ARHGEF11: variants seen among roughly 807,000 people sequenced by gnomAD.
ARHGEF11 encodes the protein Rho guanine nucleotide exchange factor 11.
A neutral mutation model predicts 193.7 loss-of-function variants in ARHGEF11; 55 were observed. The observed-to-expected ratio is 0.28, with a 90% CI of 0.23 to 0.36. The LOEUF (loss-of-function observed/expected upper bound fraction) is 0.36. Among genes scored for constraint, ARHGEF11 ranks in the 10% least tolerant of loss-of-function variants. ARHGEF11 has a pLI of 1.00. For synonymous variants in ARHGEF11, 693 were observed against 768.0 expected, an observed-to-expected ratio of 0.90 and a Z score of 1.62; for missense variants, 1,723 against 2,005.6, an observed-to-expected ratio of 0.86 and a Z score of 2.69.
intron 1 of ARHGEF11, among the ~76,000 whole-genome samples, chr1:157,002,202 C>T (rs547742131): frequency 6.6e-6 from 1 of 152,208 alleles, no homozygotes; most frequent in South Asian, 2.1e-4. Context: ...TGGACCACCT[C>T]GAACAGGGCA....
At chr1:156,954,790 A>G in intron 21 of ARHGEF11, 102 bp downstream of exon 21, 1 of 973,602 alleles carries the variant, frequency 1.0e-6, no homozygotes, top group Non-Finnish European at 1.6e-6. Flanking sequence ...GGGAGGAGGA[A>G]CAGGATGGGA....
chr1:156,960,504 C>T (rs767705773), intron 14 of ARHGEF11, 44 bp from the exon 15 acceptor site: 12 of 1,600,706 alleles, frequency 7.5e-6, no homozygotes, highest in Non-Finnish European at 1.0e-5. Context: ...GGTCTGCACA[C>T]TCCAGGGAGA....
chr1:156,967,392 G>A (rs956079842), intron 11 of ARHGEF11, among the ~76,000 whole-genome samples: 3 of 152,194 alleles, frequency 2.0e-5, no homozygotes, highest in African/African-American at 4.8e-5. Flanking sequence ...AGACAGCCCA[G>A]CTTCTTTGCA....
intron 8 of ARHGEF11, 49 bp from the exon 9 acceptor site, chr1:156,970,092 C>T (rs778465255): frequency 6.4e-6 from 10 of 1,559,342 alleles, no homozygotes; most frequent in Admixed American, 5.2e-5. Context: ...AGCCTCTCCC[C>T]CTACGGTTTT....
At chr1:156,961,645 T>C (rs1489446500) in intron 14 of ARHGEF11, 32 bp downstream of exon 14, 3 of 1,594,016 alleles carry the variant, frequency 1.9e-6, no homozygotes, top group East Asian at 2.2e-5. Flanking sequence ...AAGAATATGA[T>C]AAAATTATAA....
intron 1 of ARHGEF11, among the ~76,000 whole-genome samples, chr1:157,000,468 C>A (rs1395267986): frequency 6.6e-6 from 1 of 152,138 alleles, no homozygotes; most frequent in Non-Finnish European, 1.5e-5. Flanking sequence ...AAAGGACCAA[C>A]CATGAAACAG....
chr1:157,032,651 T>C (rs1336146), intron 1 of ARHGEF11, among the ~76,000 whole-genome samples: 72,474 of 151,956 alleles, frequency 0.48, 17,688 homozygotes, highest in Middle Eastern at 0.67. Flanking sequence ...TCCTTTCTGA[T>C]GAAACTTCAT....
intron 1 of ARHGEF11, among the ~76,000 whole-genome samples, chr1:157,003,887 T>G (rs1667497702): frequency 6.6e-6 from 1 of 152,200 alleles, no homozygotes; most frequent in African/African-American, 2.4e-5. Flanking sequence ...GATTAAATGG[T>G]AGAATTCATT....
intron 11 of ARHGEF11, among the ~76,000 whole-genome samples, chr1:156,966,403 T>C (rs773799948): frequency 3.3e-5 from 5 of 152,354 alleles, no homozygotes; most frequent in Admixed American, 6.5e-5. Flanking sequence ...TTTTATTACA[T>C]GTGATGAATT....
Position 157,007,466 on chromosome 1 carries a change from C to A in ARHGEF11, c.33-21293G>T, listed in dbSNP as rs1667966299. Reference sequence around the variant, plus strand: ...CTGGCAGCAGGGGTGTTCAATGGAACTTCTTATTACAGTCCTTAGGCTGAG... The same window carrying A: ...CTGGCAGCAGGGGTGTTCAATGGAAATTCTTATTACAGTCCTTAGGCTGAG... On this transcript the variant is annotated intron_variant, in intron 1 of 40. Coordinates refer to ENST00000368194, the MANE Select transcript of ARHGEF11 (RefSeq NM_198236.3). Among the ~76,000 whole-genome samples the A allele has an allele frequency of 1.3e-5, 2 of 152,018 alleles. 1 individual carries two copies. The highest frequency in any genetic ancestry group is 4.2e-4 in the South Asian group (2 of 4,818).
chr1:157,038,029 C>CAAAAAAAAAAA (rs145416871), intron 1 of ARHGEF11, among the ~76,000 whole-genome samples: 2 of 45,518 alleles, frequency 4.4e-5, no homozygotes, highest in African/African-American at 1.8e-4. Flanking sequence ...AAGACTGTCT[C>CAAAAAAAAAAA]AAAAAAAAAA....
At chr1:156,963,331 G>A (rs1406179219) in intron 12 of ARHGEF11, 27 bp from the exon 13 acceptor site, 6 of 1,597,160 alleles carry the variant, frequency 3.8e-6, no homozygotes, top group Non-Finnish European at 5.1e-6. Flanking sequence ...TGAGCATGGT[G>A]GGAAGCCGGG....
chr1:156,973,070 T>C (rs1472655901), intron 7 of ARHGEF11, among the ~76,000 whole-genome samples: 1 of 152,172 alleles, frequency 6.6e-6, no homozygotes, highest in Non-Finnish European at 1.5e-5. Context: ...TAAAGGGATA[T>C]GAGCCTGTGG....
intron 1 of ARHGEF11, among the ~76,000 whole-genome samples, chr1:156,993,761 C>G (rs1159460077): frequency 6.6e-6 from 1 of 152,194 alleles, no homozygotes; most frequent in Non-Finnish European, 1.5e-5. Flanking sequence ...ACACACCGTC[C>G]TAGACCTGCA....
At chr1:156,941,687 C>T (rs887234225) in intron 34 of ARHGEF11, among the ~76,000 whole-genome samples, 177 bp downstream of exon 34, 3 of 152,196 alleles carry the variant, frequency 2.0e-5, no homozygotes, top group Non-Finnish European at 2.9e-5. Flanking sequence ...CAGACAGGGA[C>T]AAGAAGCAGG....
Position 156,979,267 on chromosome 1 carries a change from G to T in ARHGEF11, c.293C>A (p.Thr98Asn). The T allele has an allele frequency of 6.2e-7, 1 of 1,613,620 alleles. No homozygotes were observed. The highest frequency in any genetic ancestry group is 8.5e-7 in the Non-Finnish European group (1 of 1,179,870). ...TACCACTTCCAGGTGTGAGCTATTG[G>T]TCACCATGGTGCCGTTGACCTGTTG... Reference protein sequence around the residue: ...RIIKVNGTMVTNSSHLEVVKL... With the variant: ...RIIKVNGTMVNNSSHLEVVKL... Residue 98 changes from threonine (T) to asparagine (N), a missense_variant, in exon 5 of 41, where the codon ACC becomes AAC. This residue lies in a region of ARHGEF11 where 646 missense variants were observed against 710.7 expected (regional missense o/e 0.91). Transcript: ENST00000368194.
upstream of ARHGEF11, among the ~76,000 whole-genome samples, chr1:157,046,841 C>A (rs1335441549): frequency 2.0e-5 from 3 of 151,588 alleles, no homozygotes; most frequent in Admixed American, 1.3e-4. Context: ...GAAACCCCCC[C>A]CCTCTACTAA....
At chr1:156,951,821 G>C in intron 21 of ARHGEF11, 122 bp from the exon 22 acceptor site, 1 of 1,290,968 alleles carries the variant, frequency 7.7e-7, no homozygotes, top group Non-Finnish European at 1.1e-6. Flanking sequence ...AACAGCACTG[G>C]ACCAAGAGTC....
In ARHGEF11 at chr1:156,941,861, C is replaced by A; in HGVS notation, c.3452+3G>T. On this transcript the variant is annotated splice_donor_region_variant and intron_variant, in intron 34 of 40. Coordinates refer to ENST00000368194, the MANE Select transcript of ARHGEF11 (RefSeq NM_198236.3). Reference sequence around the variant, plus strand: ...GCAGGGTCTGGAGGGCTAAGCACTGCACCTGCTGGGTGTGGGGCCCTGCTG... The same window carrying A: ...GCAGGGTCTGGAGGGCTAAGCACTGAACCTGCTGGGTGTGGGGCCCTGCTG... 6.2e-7 allele frequency: 1 copy of A among 1,606,644 alleles called. No individual in the cohort carries two copies. The highest frequency in any genetic ancestry group is 8.5e-7 in the Non-Finnish European group (1 of 1,176,582).
Sources: allele counts gnomAD v4.1 joint callset (sites outside exome capture counted in the v4.1 genomes callset), GRCh38; gene constraint gnomAD v4.1.1; regional missense constraint gnomAD v4.1.1; transcripts MANE v1.5; gene names NCBI Gene and HGNC (gene_info 2026-07-23, HGNC 2026-07-21).